CCDC91: variants seen among roughly 807,000 people sequenced by gnomAD.
CCDC91 encodes coiled-coil domain-containing protein 91.
In CCDC91, 48 loss-of-function variants were observed where a neutral mutation model predicts 63.2. The ratio of observed to expected loss-of-function variants is 0.76; its 90% CI spans 0.60 to 0.97. The LOEUF is 0.97. Ranked by LOEUF, CCDC91 falls within the 50% of genes least tolerant of loss-of-function variation. The pLI is 0.00. For missense variants in CCDC91, 500 were observed against 494.6 expected (o/e 1.01, Z -0.10); for synonymous variants, 167 against 165.8 (o/e 1.01, Z -0.06).
At chr12:28,534,785 A>G (rs1385123099) in intron 12 of CCDC91, among the ~76,000 whole-genome samples, 5 of 152,206 alleles carry the variant, frequency 3.3e-5, no homozygotes, top group African/African-American at 1.2e-4. Flanking sequence ...AAACTACTGC[A>G]GAGGACTTTT....
Position 28,259,462 on chromosome 12 carries a change from A to AT in CCDC91, c.109+20_109+21insT. On this transcript the variant is annotated intron_variant, in intron 3 of 12. Transcript: ENST00000536442. ...CTGCAGGTATTGGTATCCAGGAATT[A>AT]GGGTTTTTTTTTTTTTTTTTCCCAT... 1 of 1,060,862 alleles carries AT rather than the reference A, an allele frequency of 9.4e-7. No individual in the cohort carries two copies. The highest frequency in any genetic ancestry group is 1.4e-6 in the Non-Finnish European group (1 of 729,724). The allele number at this position is 1,060,862 out of a possible 1,614,324, so 65.7% of individuals were successfully genotyped here. A position where few individuals can be genotyped will look rare whatever the true frequency, so the allele number is the denominator to read the frequency against.
At chr12:28,514,412 TG>T (rs1939703922) in intron 12 of CCDC91, among the ~76,000 whole-genome samples, 7 of 151,962 alleles carry the variant, frequency 4.6e-5, no homozygotes, top group Admixed American at 3.9e-4. Context: ...GTAGGTTGTC[TG>T]TTTACTGGTA....
At chr12:28,510,706 A>AT (rs1421155215) in intron 12 of CCDC91, among the ~76,000 whole-genome samples, 3 of 151,870 alleles carry the variant, frequency 2.0e-5, no homozygotes, top group Non-Finnish European at 1.5e-5. Flanking sequence ...GCAGATAATG[A>AT]TTTTTTGCAT....
At chr12:28,393,423 C>T (rs1267854033) in intron 8 of CCDC91, among the ~76,000 whole-genome samples, 3 of 151,070 alleles carry the variant, frequency 2.0e-5, no homozygotes, top group Admixed American at 6.6e-5. Context: ...GTTAGAGAAC[C>T]GCTTTCTAAA....
intron 6 of CCDC91, among the ~76,000 whole-genome samples, chr12:28,352,708 A>T (rs1943260501): frequency 6.6e-6 from 1 of 152,224 alleles, no homozygotes; most frequent in Non-Finnish European, 1.5e-5. Context: ...GTAGTTCTCA[A>T]CAATGGTCTT....
intron 1 of CCDC91, among the ~76,000 whole-genome samples, chr12:28,253,577 T>C (rs925643161): frequency 1.3e-5 from 2 of 152,232 alleles, no homozygotes; most frequent in African/African-American, 4.8e-5. Flanking sequence ...TTGAGGATTC[T>C]CTTATGTATT....
intron 8 of CCDC91, among the ~76,000 whole-genome samples, chr12:28,408,633 G>GT (rs1947120252): frequency 6.6e-6 from 1 of 151,822 alleles, no homozygotes; most frequent in African/African-American, 2.4e-5. Context: ...CTTTTTGATG[G>GT]TTTATTTTTT....
At chr12:28,500,185 T>TG (rs201955601) in intron 12 of CCDC91, among the ~76,000 whole-genome samples, 1 of 144,908 alleles carries the variant, frequency 6.9e-6, no homozygotes, top group African/African-American at 2.8e-5. Context: ...CACTTTTTGA[T>TG]GGGGTTTTTT....
chr12:28,212,032 C>CA (rs34170926), intron 1 of CCDC91, among the ~76,000 whole-genome samples: 14,543 of 152,132 alleles, frequency 0.096, 993 homozygotes, highest in Non-Finnish European at 0.13. Context: ...CAAAGAAACT[C>CA]AGAGAGCTCA....
intron 6 of CCDC91, among the ~76,000 whole-genome samples, chr12:28,347,209 C>T (rs2138143863): frequency 6.6e-6 from 1 of 152,312 alleles, no homozygotes; most frequent in African/African-American, 2.4e-5. Context: ...ATTCCAGAAG[C>T]AGAAGTGGTC....
At chr12:28,287,480 G>A (rs747531537) in intron 3 of CCDC91, among the ~76,000 whole-genome samples, 3 of 152,038 alleles carry the variant, frequency 2.0e-5, no homozygotes, top group Non-Finnish European at 4.4e-5. Context: ...TTTCCCCATT[G>A]CTTGCTTCTC....
At chr12:28,319,612 A>T (rs1173759940) in intron 6 of CCDC91, 1 of 154,500 alleles carries the variant, frequency 6.5e-6, no homozygotes, top group Non-Finnish European at 1.4e-5. Flanking sequence ...CCTCCTGTAC[A>T]CTTTAAATAA....
chr12:28,465,367 C>T (rs929696282), intron 11 of CCDC91, among the ~76,000 whole-genome samples: 13 of 152,202 alleles, frequency 8.5e-5, no homozygotes, highest in South Asian at 2.1e-4. Context: ...TTGAGCAAAC[C>T]GAAGTGGTAG....
At chr12:28,422,983 T>C (rs1358838359) in intron 8 of CCDC91, among the ~76,000 whole-genome samples, 1 of 152,136 alleles carries the variant, frequency 6.6e-6, no homozygotes, top group African/African-American at 2.4e-5. Context: ...GTTGTTGTTA[T>C]TGTTTGGCTT....
chr12:28,265,841 A>G (rs535450616), intron 3 of CCDC91, among the ~76,000 whole-genome samples: 2 of 152,196 alleles, frequency 1.3e-5, no homozygotes, highest in African/African-American at 4.8e-5. Flanking sequence ...ACATATGTGC[A>G]TTATGGTAGG....
intron 3 of CCDC91, among the ~76,000 whole-genome samples, chr12:28,283,837 A>C (rs61922976): frequency 5.3e-5 from 8 of 151,970 alleles, no homozygotes; most frequent in Admixed American, 4.6e-4. Flanking sequence ...TCCATTTATG[A>C]TATCATGTGG....
At chr12:28,242,116 A>C (rs375591550) in intron 1 of CCDC91, among the ~76,000 whole-genome samples, 1 of 151,380 alleles carries the variant, frequency 6.6e-6, no homozygotes, top group Admixed American at 6.6e-5. Context: ...TTTTTCTTCT[A>C]ATTTTGTCTT....
chr12:28,530,135 T>C (rs1408997548), intron 12 of CCDC91, among the ~76,000 whole-genome samples: 3 of 152,218 alleles, frequency 2.0e-5, no homozygotes, highest in Non-Finnish European at 4.4e-5. Context: ...GGCTGAACTT[T>C]ATGCCTGTAT....
At chr12:28,447,116 T>C (rs1474933569) in intron 8 of CCDC91, among the ~76,000 whole-genome samples, 1 of 152,174 alleles carries the variant, frequency 6.6e-6, no homozygotes, top group African/African-American at 2.4e-5. Flanking sequence ...ATATGGTTTC[T>C]AGGAATTTCT....
Sources: allele counts gnomAD v4.1 joint callset (sites outside exome capture counted in the v4.1 genomes callset), GRCh38; gene constraint gnomAD v4.1.1; transcripts MANE v1.5; gene names NCBI Gene and HGNC (gene_info 2026-07-23, HGNC 2026-07-21).